ZMAT4: variants seen among roughly 807,000 people sequenced by gnomAD.
The protein encoded by ZMAT4 is zinc finger matrin-type protein 4.
A neutral mutation model predicts 28.7 loss-of-function variants in ZMAT4; 17 were observed. The ratio of observed to expected loss-of-function variants is 0.59; its 90% CI spans 0.41 to 0.89. The LOEUF (loss-of-function observed/expected upper bound fraction) is 0.89, where lower values mean the gene tolerates loss of function less well. Ranked by LOEUF, ZMAT4 falls within the 40% of genes least tolerant of loss-of-function variation. The probability of loss-of-function intolerance (pLI) is 0.00; values close to 1 mark genes in which losing one functional copy is unlikely to be tolerated. For missense variants in ZMAT4, 240 were observed against 283.8 expected (o/e 0.85, Z 1.11); for synonymous variants, 117 against 109.2 (o/e 1.07, Z -0.44).
chr8:40,689,387 T>C (rs539904445), intron 4 of ZMAT4, among the ~76,000 whole-genome samples: 2 of 152,234 alleles, frequency 1.3e-5, no homozygotes, highest in African/African-American at 4.8e-5. Context: ...AGAACAGAAG[T>C]AATTTACATG....
chr8:40,774,159 A>G (rs13277922), intron 2 of ZMAT4, among the ~76,000 whole-genome samples: 2,686 of 152,298 alleles, frequency 0.018, 36 homozygotes, highest in Non-Finnish European at 0.026. Flanking sequence ...TGGCTTTACT[A>G]TCTTTGAGAT....
At chr8:40,896,109 A>C (rs1219078434) in intron 1 of ZMAT4, among the ~76,000 whole-genome samples, 1 of 152,222 alleles carries the variant, frequency 6.6e-6, no homozygotes, top group African/African-American at 2.4e-5. Context: ...ACCATTGTGA[A>C]TAGAGTTTCA....
intron 1 of ZMAT4, among the ~76,000 whole-genome samples, chr8:40,827,411 A>AC (rs751905736): frequency 2.6e-5 from 4 of 152,190 alleles, no homozygotes; most frequent in Non-Finnish European, 4.4e-5. Flanking sequence ...TGCAACAGTG[A>AC]ACTGTGTAAA....
chr8:40,755,653 A>G (rs1406958420), intron 3 of ZMAT4, among the ~76,000 whole-genome samples: 3 of 152,168 alleles, frequency 2.0e-5, no homozygotes, highest in African/African-American at 7.2e-5. Context: ...GGGTTTCTCC[A>G]TGTTGTCCAC....
chr8:40,855,637 C>G (rs1344907293), intron 1 of ZMAT4, among the ~76,000 whole-genome samples: 1 of 151,584 alleles, frequency 6.6e-6, no homozygotes, highest in East Asian at 1.9e-4. Flanking sequence ...ACAGGTAGCT[C>G]TGTTCCACCA....
intron 5 of ZMAT4, among the ~76,000 whole-genome samples, chr8:40,588,178 T>C (rs1244053134): frequency 6.6e-6 from 1 of 151,914 alleles, no homozygotes; most frequent in Non-Finnish European, 1.5e-5. Flanking sequence ...AAACAAGAAA[T>C]ATCTTCTAGA....
At chr8:40,572,115 T>C (rs759093748) in intron 6 of ZMAT4, among the ~76,000 whole-genome samples, 37 of 152,184 alleles carry the variant, frequency 2.4e-4, no homozygotes, top group Admixed American at 1.8e-3. Flanking sequence ...TTCTTTGTGG[T>C]TCATGTATCT....
At chr8:40,863,268 A>T (rs982689359) in intron 1 of ZMAT4, among the ~76,000 whole-genome samples, 4 of 152,068 alleles carry the variant, frequency 2.6e-5, no homozygotes, top group Non-Finnish European at 5.9e-5. Flanking sequence ...CAATGTGGAA[A>T]ATGCTCAGAA....
intron 3 of ZMAT4, among the ~76,000 whole-genome samples, chr8:40,704,347 C>T (rs1810267176): frequency 6.6e-6 from 1 of 152,178 alleles, no homozygotes; most frequent in Non-Finnish European, 1.5e-5. Flanking sequence ...TCTCATGCAT[C>T]CCTTTCCACT....
intron 2 of ZMAT4, among the ~76,000 whole-genome samples, chr8:40,821,314 G>A (rs1048583154): frequency 1.3e-5 from 2 of 152,060 alleles, no homozygotes; most frequent in African/African-American, 2.4e-5. Context: ...CCTTTCCTTT[G>A]AAAGCTTTCT....
intron 5 of ZMAT4, among the ~76,000 whole-genome samples, chr8:40,604,074 T>A (rs1178693168): frequency 1.3e-5 from 2 of 152,246 alleles, no homozygotes; most frequent in Non-Finnish European, 2.9e-5. Flanking sequence ...TGATTTTGTA[T>A]CCTGAAACTT....
At chr8:40,601,510 A>G (rs1805331250) in intron 5 of ZMAT4, among the ~76,000 whole-genome samples, 1 of 113,950 alleles carries the variant, frequency 8.8e-6, no homozygotes, top group South Asian at 3.0e-4. Context: ...AGAAAGAAAG[A>G]GAAAGAGAAA....
rs566052078 is a variant in ZMAT4, at chr8:40,538,975, G to A, written c.675-6737C>T. ...TAATTTTTGTAGTTTTAGTACAGACGGGGGTTCACCATGTTAGCCAGGCTG... is the reference window on the plus strand; with the variant it reads ...TAATTTTTGTAGTTTTAGTACAGACAGGGGTTCACCATGTTAGCCAGGCTG... On this transcript the variant is annotated intron_variant, in intron 6 of 6. Transcript: ENST00000297737. Among the ~76,000 whole-genome samples the A allele has an allele frequency of 4.6e-5, 7 of 152,070 alleles. No homozygotes were observed. The East Asian group carries it at 9.7e-4, about 21-fold the overall frequency.
At chr8:40,866,022 C>G (rs183791189) in intron 1 of ZMAT4, among the ~76,000 whole-genome samples, 1 of 152,362 alleles carries the variant, frequency 6.6e-6, no homozygotes, top group East Asian at 1.9e-4. Flanking sequence ...TTCTGAATGT[C>G]TCCTGGCTGA....
intron 5 of ZMAT4, among the ~76,000 whole-genome samples, chr8:40,583,359 G>T (rs1309683347): frequency 6.6e-6 from 1 of 152,190 alleles, no homozygotes; most frequent in Non-Finnish European, 1.5e-5. Context: ...CAGACTGTGT[G>T]TACCCTGTAT....
chr8:40,825,696 C>A lies in ZMAT4; in HGVS notation c.-4-16G>T, dbSNP rs1393843289. On this transcript the variant is annotated splice_polypyrimidine_tract_variant and intron_variant, in intron 1 of 6. Coordinates refer to ENST00000297737, the MANE Select transcript of ZMAT4 (RefSeq NM_024645.3). Reference sequence around the variant, plus strand: ...CTTCATCAGGCTACAAGAGAATCAACAGAAAAGAAAAATGAGTCCACTGCT... The same window carrying A: ...CTTCATCAGGCTACAAGAGAATCAAAAGAAAAGAAAAATGAGTCCACTGCT... The A allele has an allele frequency of 1.9e-6, 3 of 1,543,036 alleles. No homozygotes were observed. Among genetic ancestry groups the A allele is most frequent in the Admixed American group, 2.0e-5 (1 of 50,080 alleles).
chr8:40,723,281 G>A (rs1487080686), intron 3 of ZMAT4, among the ~76,000 whole-genome samples: 3 of 152,040 alleles, frequency 2.0e-5, no homozygotes, highest in Non-Finnish European at 4.4e-5. Flanking sequence ...GGTGGCTCAC[G>A]CCTGTAATCC....
At chr8:40,752,399 G>A (rs1003805548) in intron 3 of ZMAT4, among the ~76,000 whole-genome samples, 4 of 152,158 alleles carry the variant, frequency 2.6e-5, no homozygotes, top group African/African-American at 9.7e-5. Flanking sequence ...AGTTTGCCCA[G>A]TCCCTTCTAC....
At chr8:40,818,904 C>T (rs1318329803) in intron 2 of ZMAT4, among the ~76,000 whole-genome samples, 1 of 152,196 alleles carries the variant, frequency 6.6e-6, no homozygotes, top group Non-Finnish European at 1.5e-5. Context: ...GGAGAAAAGG[C>T]AACAAAGGCA....
Sources: gnomAD v4.1 joint callset for allele counts (sites outside exome capture counted in the v4.1 genomes callset) on GRCh38, gnomAD v4.1.1 for gene constraint, MANE v1.5 for transcripts, NCBI Gene and HGNC (gene_info 2026-07-23, HGNC 2026-07-21) for gene names.